The following RAB17 variants were observed in gnomAD, a reference collection of about 807,000 sequenced individuals.
RAB17 encodes RAB17, member RAS oncogene family, also known as ras-related protein Rab-17.
In RAB17, 15 loss-of-function variants were observed where a neutral mutation model predicts 19.3. The ratio of observed to expected loss-of-function variants is 0.78; its 90% CI spans 0.52 to 1.20. The LOEUF (loss-of-function observed/expected upper bound fraction) is 1.20. Ranked by LOEUF, RAB17 falls within the 50% of genes most tolerant of loss-of-function variation. The probability of loss-of-function intolerance (pLI) is 0.00; values close to 1 mark genes in which losing one functional copy is unlikely to be tolerated. For synonymous variants in RAB17, 110 were observed against 112.8 expected (o/e 0.97, Z 0.16); for missense variants, 262 against 269.3 (o/e 0.97, Z 0.19).
In RAB17 at chr2:237,586,160, G is replaced by A; in HGVS notation, c.-3-3C>T. The A allele has an allele frequency of 6.3e-7, 1 of 1,580,198 alleles. No homozygotes were observed. The highest frequency in any genetic ancestry group is 1.2e-5 in the South Asian group (1 of 86,280). ...GTCCTGTGTGCCTGTGCCATGCCCTGCAAAGAATCACAACCGTCTGAAGCA... is the reference window on the plus strand; with the variant it reads ...GTCCTGTGTGCCTGTGCCATGCCCTACAAAGAATCACAACCGTCTGAAGCA... On this transcript the variant is annotated splice_region_variant and splice_polypyrimidine_tract_variant and intron_variant, in intron 1 of 5. Transcript: ENST00000264601.
At chr2:237,585,960 A>G in intron 2 of RAB17, 38 bp downstream of exon 2, 2 of 1,553,600 alleles carry the variant, frequency 1.3e-6, no homozygotes, top group Non-Finnish European at 1.7e-6. Context: ...AGACTTCTGC[A>G]CTGAAGACCA....
At position 237,574,732 on chromosome 2, in the gene RAB17, C is replaced by A; in HGVS notation, c.*287G>T. 1 of 1,379,446 alleles carries A rather than the reference C, an allele frequency of 7.2e-7. No individual in the cohort carries two copies. Among genetic ancestry groups the A allele is most frequent in the Non-Finnish European group, 9.5e-7 (1 of 1,056,920 alleles). 85.5% of individuals were successfully genotyped at this position (1,379,446 alleles called of 1,614,324 possible). On this transcript the variant is annotated 3_prime_UTR_variant, in exon 6 of 6. Transcript: ENST00000264601. ...TTCCTTCCTCTCTGTCCAGAGGCTG[C>A]CAGGCTGAGGGGGCCACCGTCCAGG...
intron 2 of RAB17, among the ~76,000 whole-genome samples, chr2:237,581,483 G>A (rs1044310617): frequency 6.6e-6 from 1 of 151,762 alleles, no homozygotes; most frequent in Admixed American, 6.6e-5. Context: ...TCCAACTCCT[G>A]AGCTCGGGCA....
intron 3 of RAB17, 77 bp downstream of exon 3, chr2:237,577,927 T>C (rs2081278367): frequency 8.8e-6 from 13 of 1,469,244 alleles, no homozygotes; most frequent in South Asian, 1.3e-5. Flanking sequence ...GATTACGCCA[T>C]GGCATCATTG....
Position 237,587,164 on chromosome 2 carries a change from T to A in RAB17, c.-3-1007A>T, listed in dbSNP as rs146663393. Among the ~76,000 whole-genome samples, 8 of 152,366 alleles carry A rather than the reference T, an allele frequency of 5.3e-5. No homozygotes were observed. In the East Asian group the frequency reaches 1.5e-3, roughly 29 times the overall value. The stretch of plus-strand genomic sequence containing the variant: ...GCGTGCACTTCCCACAGAAGGCAAA[T>A]AATGTCCAGTTGTCTTTCTGTGATG... On this transcript the variant is annotated intron_variant, in intron 1 of 5. Coordinates refer to ENST00000264601, the MANE Select transcript of RAB17 (RefSeq NM_022449.4).
rs533380301 is a variant in RAB17, at chr2:237,583,468, A to C, written c.157+2530T>G. Among the ~76,000 whole-genome samples the C allele has an allele frequency of 2.4e-4, 36 of 152,378 alleles. No homozygotes were observed. The South Asian group carries it at 5.6e-3, about 24-fold the overall frequency. On this transcript the variant is annotated intron_variant, in intron 2 of 5. Transcript: ENST00000264601. ...AAGCAGAGGAGACCATGGTTCCCAC[A>C]GGGGACTCAGCCAACAGCAAAGGAA...
In RAB17 at chr2:237,581,022, TATC is replaced by T. The variant is rs567747679; in HGVS notation, c.158-2870_158-2868del. ...GACCCGGAAGACAGCATGCATTTAT[TATC>T]ATAACCTTTTTCAGAAACCCACTAA... is the stretch of plus-strand genomic sequence containing the variant. On this transcript the variant is annotated intron_variant, in intron 2 of 5. Coordinates refer to ENST00000264601, the MANE Select transcript of RAB17 (RefSeq NM_022449.4). Among the ~76,000 whole-genome samples the T allele has an allele frequency of 2.6e-4, 39 of 152,290 alleles. No homozygotes were observed. The East Asian group carries it at 6.2e-3, about 24-fold the overall frequency.
At chr2:237,576,151 A>T (rs2081261040) in intron 4 of RAB17, among the ~76,000 whole-genome samples, 1 of 151,826 alleles carries the variant, frequency 6.6e-6, no homozygotes, top group African/African-American at 2.4e-5. Context: ...CCAGACATGG[A>T]GCTGGCAGCA....
chr2:237,585,923 T>A (rs540407606), intron 2 of RAB17, 75 bp downstream of exon 2: 147 of 1,456,384 alleles, frequency 1.0e-4, no homozygotes, highest in Middle Eastern at 5.5e-4. Flanking sequence ...CTCGTCCCCA[T>A]CTGCCCCAGG....
At chr2:237,588,619 C>A (rs147124548) in intron 1 of RAB17, among the ~76,000 whole-genome samples, 1 of 152,144 alleles carries the variant, frequency 6.6e-6, no homozygotes, top group Non-Finnish European at 1.5e-5. Flanking sequence ...CAGTGTACAC[C>A]GCTCTGGTAT....
At chr2:237,588,905 T>C (rs2081370889) in intron 1 of RAB17, among the ~76,000 whole-genome samples, 1 of 152,120 alleles carries the variant, frequency 6.6e-6, no homozygotes, top group Non-Finnish European at 1.5e-5. Flanking sequence ...TTGACAATGA[T>C]ATGTCTCTTT....
intron 2 of RAB17, among the ~76,000 whole-genome samples, chr2:237,582,381 A>G (rs1441824663): frequency 6.6e-6 from 1 of 152,126 alleles, no homozygotes; most frequent in African/African-American, 2.4e-5. Context: ...GGCCTTGGTG[A>G]CCTTAAGCCA....
In RAB17 at chr2:237,575,118, T is replaced by C; in HGVS notation, c.540A>G (p.Leu180=). 1 of 1,611,228 alleles carries C rather than the reference T, an allele frequency of 6.2e-7. No homozygotes were observed. Among genetic ancestry groups the C allele is most frequent in the Non-Finnish European group, 8.5e-7 (1 of 1,178,040 alleles). ...GGCCCTCCTCGTCGCTTCTCTGCAG[T>C]AGCTCTTGGGCTGTGAACAGCAAGA... ...SEVFNTVAQE[L]LQRSDEEGQA... The change falls in exon 6 of 6, where the codon CTA becomes CTG. Residue 180 remains leucine, a synonymous_variant. Coordinates refer to ENST00000264601, the MANE Select transcript of RAB17 (RefSeq NM_022449.4).
rs957157911 is a variant in RAB17, at chr2:237,575,079, C to A, written c.579G>T (p.Gly193=). The part of the protein sequence containing the change: ...RSDEEGQALR[G]DAAVALNKGP... ...CCTTGTTCAGAGCCACAGCTGCATCCCCCCGTAGAGCCTGGCCCTCCTCGT... is the reference window on the plus strand; with the variant it reads ...CCTTGTTCAGAGCCACAGCTGCATCACCCCGTAGAGCCTGGCCCTCCTCGT... Residue 193 remains glycine, a synonymous_variant, in exon 6 of 6, where the codon GGG becomes GGT. Transcript: ENST00000264601. 2 of 1,613,806 alleles carry A rather than the reference C, an allele frequency of 1.2e-6. No individual in the cohort carries two copies. Among genetic ancestry groups the A allele is most frequent in the East Asian group, 2.2e-5 (1 of 44,876 alleles).
intron 2 of RAB17, among the ~76,000 whole-genome samples, chr2:237,581,124 C>T (rs1357985350): frequency 3.3e-5 from 5 of 152,194 alleles, no homozygotes; most frequent in African/African-American, 1.2e-4. Flanking sequence ...TACAGTGGCT[C>T]ATGCCTGTAA....
chr2:237,585,061 G>T lies in RAB17; in HGVS notation c.157+937C>A, dbSNP rs573855136. Reference sequence around the variant, plus strand: ...AACCACCCCCCTGAGAAAATGGAAGGGCTCCCTAAATAGCTAACGTCATGT... The same window carrying T: ...AACCACCCCCCTGAGAAAATGGAAGTGCTCCCTAAATAGCTAACGTCATGT... On this transcript the variant is annotated intron_variant, in intron 2 of 5. Transcript: ENST00000264601. 8.5e-5 allele frequency among the ~76,000 whole-genome samples: 13 copies of T among 152,346 alleles called. No individual in the cohort carries two copies. The East Asian group carries it at 2.5e-3, about 29-fold the overall frequency.
At chr2:237,579,728 A>C in intron 2 of RAB17, among the ~76,000 whole-genome samples, 1 of 149,936 alleles carries the variant, frequency 6.7e-6, no homozygotes, top group African/African-American at 2.5e-5. Context: ...TGCACCCACT[A>C]GACAGAGAAC....
In RAB17 at chr2:237,577,171, G is replaced by A. The variant is rs539842144; in HGVS notation, c.435+86C>T. ...TGTGCGTGTGTGGGTGTGCGTGTAT[G>A]AAAGTGTGAGTGCCAAGGTCTTGAC... On this transcript the variant is annotated intron_variant, in intron 4 of 5. Transcript: ENST00000264601. 6 of 1,509,276 alleles carry A rather than the reference G, an allele frequency of 4.0e-6. No homozygotes were observed. The South Asian group carries it at 7.6e-5, about 19-fold the overall frequency. 93.5% of individuals were successfully genotyped at this position (1,509,276 alleles called of 1,614,324 possible).
intron 1 of RAB17, among the ~76,000 whole-genome samples, chr2:237,589,461 C>T (rs1351764101): frequency 1.3e-5 from 2 of 152,186 alleles, no homozygotes; most frequent in African/African-American, 2.4e-5. Context: ...GTTTAATGGA[C>T]ATATAACATT....
Sources: allele counts gnomAD v4.1 joint callset (sites outside exome capture counted in the v4.1 genomes callset), GRCh38; gene constraint gnomAD v4.1.1; transcripts MANE v1.5; gene names NCBI Gene and HGNC (gene_info 2026-07-23, HGNC 2026-07-21).